THSD7B: variants seen among roughly 807,000 people sequenced by gnomAD.
The protein encoded by THSD7B is thrombospondin type-1 domain-containing protein 7B.
In THSD7B, 138 loss-of-function variants were observed where a neutral mutation model predicts 213.6. The observed-to-expected ratio is 0.65, with a 90% CI of 0.56 to 0.74. THSD7B has a LOEUF of 0.74. Among genes scored for constraint, THSD7B ranks in the 30% least tolerant of loss-of-function variants. The pLI, the probability that THSD7B is intolerant of heterozygous loss-of-function variation, is 0.00. For synonymous variants in THSD7B, 742 were observed against 687.0 expected, an observed-to-expected ratio of 1.08 and a Z score of -1.25; for missense variants, 1,931 against 1,991.5, an observed-to-expected ratio of 0.97 and a Z score of 0.58.
intron 7 of THSD7B, among the ~76,000 whole-genome samples, chr2:137,219,755 A>G (rs1189790540): frequency 6.6e-6 from 1 of 152,182 alleles, no homozygotes; most frequent in Non-Finnish European, 1.5e-5. Context: ...ATTGAGACCT[A>G]CTATGTGGCT....
rs77846701 is a variant in THSD7B at position 137,082,199 on chromosome 2, A to T, written c.951-12674A>T. On this transcript the variant is annotated intron_variant, in intron 3 of 27. Transcript: ENST00000409968. ...ACTCCTCTGCAATTTTTTTCATGGA[A>T]TCTTTTAGGATTCTCTTCCTCTACG... Among the ~76,000 whole-genome samples the T allele has an allele frequency of 3.5e-3, 526 of 152,122 alleles. 7 individuals carry two copies. The East Asian group carries it at 0.043, about 12-fold the overall frequency.
chr2:137,654,596 A>AGAT (rs796943577), intron 21 of THSD7B, among the ~76,000 whole-genome samples: 12 of 152,180 alleles, frequency 7.9e-5, no homozygotes, highest in African/African-American at 2.9e-4. Context: ...GGTTCTGGGC[A>AGAT]GATTCGGGGG....
chr2:137,532,888 G>A (rs1417122705), intron 15 of THSD7B, among the ~76,000 whole-genome samples: 1 of 151,222 alleles, frequency 6.6e-6, no homozygotes, highest in Admixed American at 6.6e-5. Context: ...ATAATGTGTG[G>A]CTATATGCAT....
intron 2 of THSD7B, among the ~76,000 whole-genome samples, chr2:137,019,964 G>A (rs1686412830): frequency 6.6e-6 from 1 of 152,162 alleles, no homozygotes. Context: ...TTACTTGTCT[G>A]TAAATAGTGA....
At chr2:137,364,594 G>A (rs1000774212) in intron 12 of THSD7B, among the ~76,000 whole-genome samples, 1 of 149,650 alleles carries the variant, frequency 6.7e-6, no homozygotes, top group African/African-American at 2.4e-5. Flanking sequence ...TTCCTATACA[G>A]CAATGACAAA....
chr2:136,991,250 T>C (rs1268964797), intron 2 of THSD7B, among the ~76,000 whole-genome samples: 2 of 152,168 alleles, frequency 1.3e-5, no homozygotes, highest in South Asian at 2.1e-4. Flanking sequence ...GCTCACCATT[T>C]AGTCAGAGAG....
intron 17 of THSD7B, among the ~76,000 whole-genome samples, chr2:137,603,939 C>T (rs774465058): frequency 2.0e-5 from 3 of 151,928 alleles, no homozygotes; most frequent in Non-Finnish European, 4.4e-5. Context: ...GGTGAAACCC[C>T]GTCTCTACTA....
At position 136,801,685 on chromosome 2, in the gene THSD7B, G is replaced by A. The variant is rs552856909; in HGVS notation, c.-36+35998G>A. On this transcript the variant is annotated intron_variant, in intron 1 of 27. Transcript: ENST00000409968. ...AAAGAGGCTGTAACAAGTATAAGAC[G>A]ACATTTTGAAAGCGAGGAGGATGGT... 9.2e-5 allele frequency among the ~76,000 whole-genome samples: 14 copies of A among 152,138 alleles called. 2 individuals are homozygous for A. In the South Asian group the frequency reaches 2.3e-3, roughly 25 times the overall value.
At chr2:137,458,547 G>A (rs1262737931) in intron 15 of THSD7B, among the ~76,000 whole-genome samples, 3 of 152,170 alleles carry the variant, frequency 2.0e-5, no homozygotes, top group Admixed American at 6.5e-5. Flanking sequence ...TAATCTGGAC[G>A]CAATAGTTTT....
intron 1 of THSD7B, among the ~76,000 whole-genome samples, chr2:136,807,859 C>T (rs1682312198): frequency 6.6e-6 from 1 of 152,304 alleles, no homozygotes; most frequent in East Asian, 1.9e-4. Context: ...CCAGCCATTT[C>T]TCCAAGAAAC....
intron 25 of THSD7B, among the ~76,000 whole-genome samples, chr2:137,662,741 G>A (rs1683373751): frequency 6.6e-6 from 1 of 152,086 alleles, no homozygotes; most frequent in Admixed American, 6.6e-5. Context: ...TTGATTAAAT[G>A]CCATAAACAT....
chr2:137,576,759 G>A (rs1326059066), intron 17 of THSD7B, among the ~76,000 whole-genome samples: 3 of 151,592 alleles, frequency 2.0e-5, no homozygotes. Context: ...TTTCTGATAA[G>A]TGGTCTATAA....
At chr2:137,052,803 T>A (rs910946190) in intron 2 of THSD7B, among the ~76,000 whole-genome samples, 51 of 152,270 alleles carry the variant, frequency 3.3e-4, no homozygotes, top group African/African-American at 1.2e-3. Context: ...TACAACTGAA[T>A]AAATCATGGA....
chr2:136,924,769 C>T lies in THSD7B; in HGVS notation c.139+42452C>T, dbSNP rs115602730. On this transcript the variant is annotated intron_variant, in intron 2 of 27. Transcript: ENST00000409968. Reference sequence around the variant, plus strand: ...TGAATTGATAAGTCACTTGGGAAAGCGTGATCATTTTAACAATCTTATTTC... The same window carrying T: ...TGAATTGATAAGTCACTTGGGAAAGTGTGATCATTTTAACAATCTTATTTC... Among the ~76,000 whole-genome samples the T allele has an allele frequency of 5.9e-3, 893 of 152,168 alleles. 9 individuals carry two copies. The highest frequency in any genetic ancestry group is 0.02 in the African/African-American group (849 of 41,526).
intron 9 of THSD7B, among the ~76,000 whole-genome samples, chr2:137,234,673 C>G (rs750499705): frequency 6.6e-6 from 1 of 152,112 alleles, no homozygotes; most frequent in Non-Finnish European, 1.5e-5. Flanking sequence ...CAGCATCTGG[C>G]AGGTAGTTAG....
At chr2:137,655,700 T>A in intron 22 of THSD7B, 40 bp downstream of exon 22, 1 of 1,580,916 alleles carries the variant, frequency 6.3e-7, no homozygotes. Flanking sequence ...CCCATGGTGA[T>A]CTTTTTGTTT....
At chr2:137,273,428 A>T (rs1467698213) in intron 11 of THSD7B, among the ~76,000 whole-genome samples, 5 of 152,062 alleles carry the variant, frequency 3.3e-5, no homozygotes, top group African/African-American at 4.8e-5. Flanking sequence ...TTTAAGGTGT[A>T]TTTGGATTAA....
chr2:137,478,428 G>T (rs543317733), intron 15 of THSD7B, among the ~76,000 whole-genome samples: 113 of 151,856 alleles, frequency 7.4e-4, no homozygotes, highest in Non-Finnish European at 1.2e-3. Context: ...GTGTTTTTTT[G>T]TTGTTGTTGT....
At chr2:137,347,587 G>A (rs1684905999) in intron 12 of THSD7B, among the ~76,000 whole-genome samples, 1 of 149,078 alleles carries the variant, frequency 6.7e-6, no homozygotes, top group African/African-American at 2.5e-5. Flanking sequence ...AATAACAAGA[G>A]GAGAAGCAGT....
Sources: allele counts gnomAD v4.1 joint callset (sites outside exome capture counted in the v4.1 genomes callset), GRCh38; gene constraint gnomAD v4.1.1; transcripts MANE v1.5; gene names NCBI Gene and HGNC (gene_info 2026-07-23, HGNC 2026-07-21).